The following ANTXR2 variants were observed in gnomAD, a reference collection of about 807,000 sequenced individuals.
ANTXR2 encodes anthrax toxin receptor 2.
In ANTXR2, 44 loss-of-function variants were observed where a neutral mutation model predicts 73.7. That is an observed-to-expected ratio of 0.60 (90% confidence interval 0.47 to 0.77). The LOEUF (loss-of-function observed/expected upper bound fraction) is 0.77. Ranked by LOEUF, ANTXR2 falls within the 30% of genes least tolerant of loss-of-function variation. The pLI, the probability that ANTXR2 is intolerant of heterozygous loss-of-function variation, is 0.00. For synonymous variants in ANTXR2, 217 were observed against 205.9 expected (o/e 1.05, Z -0.46); for missense variants, 604 against 592.5 (o/e 1.02, Z -0.20).
chr4:80,042,070 A>AT (rs1029774361), intron 7 of ANTXR2, among the ~76,000 whole-genome samples: 1 of 152,000 alleles, frequency 6.6e-6, no homozygotes, highest in Non-Finnish European at 1.5e-5. Flanking sequence ...CTCTCTTATT[A>AT]TTATGTTTCT....
At chr4:79,976,754 G>A (rs866575553) in intron 16 of ANTXR2, among the ~76,000 whole-genome samples, 7 of 152,096 alleles carry the variant, frequency 4.6e-5, no homozygotes, top group East Asian at 1.9e-4. Context: ...GATGAAGCCA[G>A]GAACCTTCCT....
At chr4:80,060,735 T>C (rs1223452865) in intron 3 of ANTXR2, among the ~76,000 whole-genome samples, 1 of 152,152 alleles carries the variant, frequency 6.6e-6, no homozygotes, top group Admixed American at 6.5e-5. Context: ...TATGTATGTA[T>C]AGAAAAAAAT....
In ANTXR2 at chr4:79,972,920, T is replaced by A. The variant is rs369932340; in HGVS notation, c.1428+4701A>T. ...ATGTACCCTAAAACTTAGAGTATAA[T>A]AAAAAAAAAAAAAAAAAAAGAATAG... On this transcript the variant is annotated intron_variant, in intron 16 of 16. Coordinates refer to ENST00000403729, the MANE Select transcript of ANTXR2 (RefSeq NM_058172.6). Among the ~76,000 whole-genome samples, 87 of 53,152 alleles carry A rather than the reference T, an allele frequency of 1.6e-3. 2 individuals carry two copies. Among genetic ancestry groups the A allele is most frequent in the African/African-American group, 0.011 (75 of 6,704 alleles). The allele number at this position is 53,152 out of a possible 152,430, so 34.9% of individuals were successfully genotyped here. A position where few individuals can be genotyped will look rare whatever the true frequency, so the allele number is the denominator to read the frequency against.
At chr4:79,949,399 C>T (rs1728623650) in intron 16 of ANTXR2, among the ~76,000 whole-genome samples, 1 of 152,180 alleles carries the variant, frequency 6.6e-6, no homozygotes. Flanking sequence ...GATTCAGCTG[C>T]AGCAGCTGTC....
At chr4:80,013,456 T>G (rs1731693383) in intron 11 of ANTXR2, among the ~76,000 whole-genome samples, 1 of 152,224 alleles carries the variant, frequency 6.6e-6, no homozygotes, top group African/African-American at 2.4e-5. Flanking sequence ...TGGATGTTCC[T>G]GAAGCATACA....
At chr4:80,060,665 A>G (rs1001248538) in intron 3 of ANTXR2, among the ~76,000 whole-genome samples, 1 of 152,166 alleles carries the variant, frequency 6.6e-6, no homozygotes, top group Non-Finnish European at 1.5e-5. Context: ...CTATTTTGTT[A>G]TTAGTTATGG....
rs1477850019 is a variant in ANTXR2 at position 80,011,309 on chromosome 4, A to ATCTG, written c.946-2694_946-2693insCAGA. On this transcript the variant is annotated intron_variant, in intron 11 of 16. Transcript: ENST00000403729. ...TATCTATCTATCTATCTATCTATCT[A>ATCTG]TCTATCTGTCTATCATCTATCTATC... 1.3e-3 allele frequency among the ~76,000 whole-genome samples: 196 copies of ATCTG among 146,228 alleles called. 1 individual carries two copies. Among genetic ancestry groups the ATCTG allele is most frequent in the African/African-American group, 4.7e-3 (187 of 39,540 alleles).
chr4:80,023,958 C>A (rs1362465118), intron 10 of ANTXR2, among the ~76,000 whole-genome samples: 1 of 152,176 alleles, frequency 6.6e-6, no homozygotes, highest in Non-Finnish European at 1.5e-5. Flanking sequence ...TTACAAATAT[C>A]ATTCTTGTTA....
chr4:80,022,180 T>C (rs546290289), intron 10 of ANTXR2, among the ~76,000 whole-genome samples: 6 of 152,250 alleles, frequency 3.9e-5, no homozygotes, highest in Non-Finnish European at 5.9e-5. Context: ...AGTATGAGTT[T>C]CATTTGAATC....
rs565514792 is a variant in ANTXR2 at position 79,954,760 on chromosome 4, G to A, written c.1428+22861C>T. Among the ~76,000 whole-genome samples the A allele has an allele frequency of 3.0e-4, 46 of 152,190 alleles. No individual in the cohort carries two copies. In the South Asian group the frequency reaches 4.8e-3, roughly 16 times the overall value. ...ATCTGTACTGAGAGGTTTTTTAAACGCATTCAGAAGCCAGACCGGAGGGCA... is the reference window on the plus strand; with the variant it reads ...ATCTGTACTGAGAGGTTTTTTAAACACATTCAGAAGCCAGACCGGAGGGCA... On this transcript the variant is annotated intron_variant, in intron 16 of 16. Coordinates refer to ENST00000403729, the MANE Select transcript of ANTXR2 (RefSeq NM_058172.6).
At chr4:80,039,254 T>C (rs1733122058) in intron 7 of ANTXR2, among the ~76,000 whole-genome samples, 1 of 152,142 alleles carries the variant, frequency 6.6e-6, no homozygotes, top group Non-Finnish European at 1.5e-5. Context: ...AGAGAATTTA[T>C]GCATTTTTAG....
At chr4:79,927,967 T>G (rs1727887018) in intron 16 of ANTXR2, among the ~76,000 whole-genome samples, 1 of 152,112 alleles carries the variant, frequency 6.6e-6, no homozygotes, top group African/African-American at 2.4e-5. Flanking sequence ...CCTCAAAAAA[T>G]TAAACATAGA....
At chr4:80,047,896 T>C (rs1019230877) in intron 7 of ANTXR2, among the ~76,000 whole-genome samples, 5 of 151,740 alleles carry the variant, frequency 3.3e-5, no homozygotes, top group Admixed American at 6.6e-5. Context: ...ATTTTTCTTT[T>C]CCTTAAACTA....
At chr4:80,015,126 T>A (rs960896467) in intron 11 of ANTXR2, among the ~76,000 whole-genome samples, 2 of 152,210 alleles carry the variant, frequency 1.3e-5, no homozygotes, top group African/African-American at 4.8e-5. Context: ...CTTAAATTTT[T>A]ACTTCCAGCC....
At chr4:80,005,961 A>T (rs988579732) in intron 12 of ANTXR2, among the ~76,000 whole-genome samples, 6 of 152,142 alleles carry the variant, frequency 3.9e-5, no homozygotes, top group African/African-American at 1.4e-4. Flanking sequence ...TCATTCACCT[A>T]GCACAGTAGG....
At chr4:79,979,421 A>G (rs1560932129) in intron 14 of ANTXR2, among the ~76,000 whole-genome samples, 2 of 152,202 alleles carry the variant, frequency 1.3e-5, no homozygotes, top group African/African-American at 2.4e-5. Flanking sequence ...AAAAATCCTA[A>G]GACTTCCTAA....
intron 3 of ANTXR2, among the ~76,000 whole-genome samples, chr4:80,059,403 G>C (rs758100628): frequency 2.6e-5 from 4 of 151,850 alleles, no homozygotes; most frequent in African/African-American, 9.7e-5. Context: ...CTGTCACCCA[G>C]GCTGGAGTGC....
intron 12 of ANTXR2, among the ~76,000 whole-genome samples, chr4:79,998,670 A>T (rs1486815783): frequency 6.6e-6 from 1 of 152,038 alleles, no homozygotes; most frequent in East Asian, 1.9e-4. Context: ...AACCTAGGGA[A>T]AAAGACAGGA....
intron 16 of ANTXR2, among the ~76,000 whole-genome samples, chr4:79,933,300 C>G (rs1342137564): frequency 6.6e-6 from 1 of 152,102 alleles, no homozygotes; most frequent in African/African-American, 2.4e-5. Flanking sequence ...AAAACAGGTT[C>G]ACAAAAAAGA....
Sources: allele counts gnomAD v4.1 joint callset (sites outside exome capture counted in the v4.1 genomes callset), GRCh38; gene constraint gnomAD v4.1.1; transcripts MANE v1.5; gene names NCBI Gene and HGNC (gene_info 2026-07-23, HGNC 2026-07-21).